EHHADH: variants seen among roughly 807,000 people sequenced by gnomAD.
EHHADH encodes peroxisomal bifunctional enzyme.
Under a neutral mutation model 64.4 loss-of-function variants are expected in EHHADH, and 48 were observed. The ratio of observed to expected loss-of-function variants is 0.75; its 90% CI spans 0.59 to 0.95. EHHADH has a LOEUF of 0.95. Ranked by LOEUF, EHHADH falls within the 40% of genes least tolerant of loss-of-function variation. EHHADH has a pLI of 0.00. For missense variants in EHHADH, 854 were observed against 876.6 expected (o/e 0.97, Z 0.33); for synonymous variants, 308 against 326.7 (o/e 0.94, Z 0.62).
At chr3:185,219,344 G>T (rs1232453487) in intron 4 of EHHADH, among the ~76,000 whole-genome samples, 2 of 152,170 alleles carry the variant, frequency 1.3e-5, no homozygotes, top group African/African-American at 4.8e-5. Flanking sequence ...TTAGTGAACT[G>T]AGTGCTCTGT....
chr3:185,201,167 C>T (rs1304343021), intron 6 of EHHADH, among the ~76,000 whole-genome samples: 3 of 151,750 alleles, frequency 2.0e-5, no homozygotes, highest in African/African-American at 4.8e-5. Context: ...TGTGGAGAAG[C>T]GAGTGTGGAA....
chr3:185,247,832 C>G (rs887897522), intron 2 of EHHADH: 1 of 152,144 alleles, frequency 6.6e-6, no homozygotes, highest in African/African-American at 2.4e-5. Context: ...ATACTTTTGC[C>G]ATATTTTGTC....
chr3:185,238,441 A>G (rs1055862397), intron 2 of EHHADH, among the ~76,000 whole-genome samples: 56 of 152,172 alleles, frequency 3.7e-4, no homozygotes, highest in African/African-American at 1.3e-3. Context: ...CTTTTTAATA[A>G]TAGTCACTCT....
chr3:185,223,989 GA>G (rs1391222976), intron 4 of EHHADH, among the ~76,000 whole-genome samples: 1 of 152,148 alleles, frequency 6.6e-6, no homozygotes, highest in Non-Finnish European at 1.5e-5. Context: ...AAATTGTGGA[GA>G]AGGTTGCTGT....
At position 185,248,515 on chromosome 3, in the gene EHHADH, G is replaced by T. The variant is rs138013408; in HGVS notation, c.77C>A (p.Thr26Lys). Residue 26 changes from threonine (T) to lysine (K), a missense_variant and splice_region_variant, in exon 2 of 7, where the codon ACG (threonine) becomes AAG (lysine). Thr to Lys is a moderately conservative substitution (Grantham distance 78, BLOSUM62 -1). Transcript: ENST00000231887. ...TTCTTTTATGTCACGGAGTAAAGTC[G>T]TACTAAAAGAAAACAAAATACATGA... Reference protein sequence around the residue: ...LRNPPVNAISTTLLRDIKEGL... With the variant: ...LRNPPVNAISKTLLRDIKEGL... 5 of 1,598,250 alleles carry T rather than the reference G, an allele frequency of 3.1e-6. No individual in the cohort carries two copies. In the African/African-American group the frequency reaches 6.7e-5, roughly 21 times the overall value.
intron 4 of EHHADH, among the ~76,000 whole-genome samples, chr3:185,224,518 A>G (rs932912123): frequency 4.6e-5 from 7 of 151,662 alleles, no homozygotes; most frequent in Non-Finnish European, 1.0e-4. Context: ...AAAAAAAAAA[A>G]AAAAAAGAAA....
chr3:185,246,063 T>A (rs1231253167), intron 2 of EHHADH: 1 of 1,267,100 alleles, frequency 7.9e-7, no homozygotes. Context: ...TTGACATTCT[T>A]CTTTTTCTTC....
intron 1 of EHHADH, among the ~76,000 whole-genome samples, chr3:185,248,968 A>T (rs1460034106): frequency 6.6e-6 from 1 of 152,252 alleles, no homozygotes; most frequent in African/African-American, 2.4e-5. Context: ...AGAAGGGTGA[A>T]ATTACTTTCA....
rs147566121 is a variant in EHHADH at position 185,204,193 on chromosome 3, G to A, written c.910+223C>T. On this transcript the variant is annotated intron_variant, in intron 6 of 6. Transcript: ENST00000231887. ...ATTCCCAGTCTGGAGTCAGACCTAG[G>A]GTCAGACTTTCACCCTACTCGTGTT... is the stretch of plus-strand genomic sequence containing the variant. 7.9e-3 allele frequency among the ~76,000 whole-genome samples: 1,199 copies of A among 151,476 alleles called. 13 individuals carry two copies. The highest frequency in any genetic ancestry group is 0.017 in the Middle Eastern group (5 of 294).
At chr3:185,199,953 A>G in intron 6 of EHHADH, among the ~76,000 whole-genome samples, 1 of 152,200 alleles carries the variant, frequency 6.6e-6, no homozygotes, top group Non-Finnish European at 1.5e-5. Context: ...GGTAGTTGCA[A>G]CAGAGACTGT....
rs11303425 is a variant in EHHADH, at chr3:185,231,969, A to AT, written c.352-2427dup. ...ATTTAAATTACATCTCCAAAAGGCT[A>AT]TTTTTTTTTTTTAAAGTCAGACAGT... On this transcript the variant is annotated intron_variant, in intron 3 of 6. Transcript: ENST00000231887. 8.7e-3 allele frequency among the ~76,000 whole-genome samples: 1,291 copies of AT among 147,872 alleles called. 6 individuals are homozygous for AT. Among genetic ancestry groups the AT allele is most frequent in the African/African-American group, 0.018 (751 of 40,676 alleles).
chr3:185,210,272 G>A (rs1022079302), intron 5 of EHHADH, among the ~76,000 whole-genome samples: 1 of 152,184 alleles, frequency 6.6e-6, no homozygotes, highest in Non-Finnish European at 1.5e-5. Context: ...AGTTTACGAA[G>A]TTCAGATGCC....
intron 5 of EHHADH, among the ~76,000 whole-genome samples, chr3:185,205,429 A>G (rs1430365194): frequency 6.6e-6 from 1 of 152,192 alleles, no homozygotes; most frequent in African/African-American, 2.4e-5. Context: ...AAAAACTTTA[A>G]AATACCTAGA....
At chr3:185,242,036 G>A (rs1053674044) in intron 2 of EHHADH, among the ~76,000 whole-genome samples, 1 of 152,064 alleles carries the variant, frequency 6.6e-6, no homozygotes, top group Non-Finnish European at 1.5e-5. Context: ...TATCCCAGCT[G>A]TGTCCAAGCA....
chr3:185,220,583 G>A (rs543308453), intron 4 of EHHADH, among the ~76,000 whole-genome samples: 6 of 152,260 alleles, frequency 3.9e-5, no homozygotes, highest in South Asian at 2.1e-4. Flanking sequence ...AATATATCTC[G>A]TTGTTCAATG....
chr3:185,202,982 C>G (rs1341199937), intron 6 of EHHADH, among the ~76,000 whole-genome samples: 1 of 131,294 alleles, frequency 7.6e-6, no homozygotes, highest in Non-Finnish European at 1.6e-5. Flanking sequence ...TGCCAAAGGC[C>G]AGGAAGGGGA....
At chr3:185,238,810 T>C (rs1043313094) in intron 2 of EHHADH, among the ~76,000 whole-genome samples, 2 of 152,156 alleles carry the variant, frequency 1.3e-5, no homozygotes, top group Admixed American at 6.6e-5. Context: ...GTCCCATTCA[T>C]CTATTTTTGT....
chr3:185,193,605 AAC>A (rs1328682571), intron 6 of EHHADH, 118 bp from the exon 7 acceptor site: 2 of 1,172,456 alleles, frequency 1.7e-6, no homozygotes, highest in African/African-American at 3.1e-5. Context: ...TGAGTCAAGA[AAC>A]ACAAATGGAT....
At position 185,192,533 on chromosome 3, in the gene EHHADH, C is replaced by A. The variant is rs115181280; in HGVS notation, c.1865G>T (p.Arg622Leu). 3 of 1,614,162 alleles carry A rather than the reference C, an allele frequency of 1.9e-6. No individual in the cohort carries two copies. Among genetic ancestry groups the A allele is most frequent in the Non-Finnish European group, 2.5e-6 (3 of 1,180,034 alleles). ...TTCATTGATAAGTGAATATAAGCAGCGTTCAAGGATCTCATCCTGGCTAAT... is the reference window on the plus strand; with the variant it reads ...TTCATTGATAAGTGAATATAAGCAGAGTTCAAGGATCTCATCCTGGCTAAT... ...RTISQDEILE[R>L]CLYSLINEAF... Residue 622 changes from arginine (R) to leucine (L), a missense_variant, in exon 7 of 7, where the codon CGC becomes CTC. Physicochemically the swap from Arg to Leu is moderately radical, Grantham distance 102. Transcript: ENST00000231887.
Sources: allele counts gnomAD v4.1 joint callset (sites outside exome capture counted in the v4.1 genomes callset), GRCh38; gene constraint gnomAD v4.1.1; transcripts MANE v1.5; gene names NCBI Gene and HGNC (gene_info 2026-07-23, HGNC 2026-07-21).